HAUS7: variants seen among roughly 807,000 people sequenced by gnomAD.
HAUS7 encodes HAUS augmin-like complex subunit 7.
HAUS7 carries 3 observed loss-of-function variants against 28.4 expected under a neutral mutation model. That is an observed-to-expected ratio of 0.11 (90% CI 0.05 to 0.27). The LOEUF (loss-of-function observed/expected upper bound fraction) is 0.27, where lower values mean the gene tolerates loss of function less well. Ranked by LOEUF, HAUS7 falls within the 10% of genes least tolerant of loss-of-function variation. HAUS7 has a pLI of 1.00. For missense variants in HAUS7, 284 were observed against 297.3 expected (o/e 0.96, Z 0.33); for synonymous variants, 165 against 132.1 (o/e 1.25, Z -1.71).
At chrX:153,495,027 G>C (rs1000912767) in intron 1 of HAUS7, 1 of 108,975 alleles carries the variant, frequency 9.2e-6, no homozygotes, top group Non-Finnish European at 1.9e-5. Flanking sequence ...TCGGTCCGCC[G>C]GACACACCGG....
chrX:153,459,203 G>A (rs1220929632), intron 4 of HAUS7, among the ~76,000 whole-genome samples: 4 of 112,048 alleles, frequency 3.6e-5, no homozygotes, highest in African/African-American at 9.7e-5. Flanking sequence ...TCGGAGAAAC[G>A]TCTATTCGGA....
intron 1 of HAUS7, chrX:153,480,749 G>A (rs2089594644): frequency 2.7e-6 from 2 of 753,878 alleles, no homozygotes; most frequent in African/African-American, 4.6e-5. Flanking sequence ...CCCTGAGGAA[G>A]GAGTCACCCC....
intron 1 of HAUS7, chrX:153,481,589 T>A (rs1237066849): frequency 8.0e-6 from 6 of 754,539 alleles, no homozygotes; most frequent in Non-Finnish European, 1.6e-6. Context: ...TGTGGCAATG[T>A]CAAGATGAAG....
At position 153,465,169 on chromosome X, in the gene HAUS7, G is replaced by A. The variant is rs1556984095; in HGVS notation, c.225-114C>T. ...GTGCACGTGCTCAACGGCACGGAGC[G>A]GCTCACTTTAAAGTGGTTACTTCTG... On this transcript the variant is annotated intron_variant, in intron 2 of 9. Coordinates refer to ENST00000370211, the MANE Select transcript of HAUS7 (RefSeq NM_001385482.1). 8 of 481,433 alleles carry A rather than the reference G, an allele frequency of 1.7e-5. No homozygotes were observed. In the East Asian group the frequency reaches 2.1e-4, roughly 13 times the overall value. 39.7% of individuals were successfully genotyped at this position (481,433 alleles called of 1,213,427 possible).
chrX:153,459,335 G>A (rs1239042906), intron 4 of HAUS7, among the ~76,000 whole-genome samples: 5 of 112,461 alleles, frequency 4.4e-5, no homozygotes, highest in Non-Finnish European at 9.4e-5. Context: ...CCGCCTTTCT[G>A]TAGGTTTTTC....
chrX:153,486,718 C>G, intron 1 of HAUS7: 1 of 982,957 alleles, frequency 1.0e-6, no homozygotes, highest in East Asian at 7.5e-5. Context: ...CCTCATTGAC[C>G]GGCGCCGCAT....
At chrX:153,492,383 C>T (rs1450247951) in intron 1 of HAUS7, among the ~76,000 whole-genome samples, 2 of 110,826 alleles carry the variant, frequency 1.8e-5, no homozygotes, top group African/African-American at 6.6e-5. Context: ...TGGGAGTGGC[C>T]CCCAAATTAG....
At chrX:153,459,636 G>A (rs1221919751) in intron 4 of HAUS7, among the ~76,000 whole-genome samples, 5 of 111,703 alleles carry the variant, frequency 4.5e-5, no homozygotes, top group African/African-American at 1.6e-4. Flanking sequence ...CTGTGTTTCC[G>A]CCTGCATTAC....
chrX:153,494,734 G>A (rs1232859202), intron 1 of HAUS7, among the ~76,000 whole-genome samples: 3 of 95,615 alleles, frequency 3.1e-5, no homozygotes, highest in Admixed American at 2.2e-4. Context: ...TGCCCCAGGC[G>A]GGGGAGGGGG....
chrX:153,494,741 G>T (rs1337086373), intron 1 of HAUS7, among the ~76,000 whole-genome samples: 23 of 66,109 alleles, frequency 3.5e-4, no homozygotes, highest in Non-Finnish European at 9.3e-4. Flanking sequence ...GGCGGGGGAG[G>T]GGGGGGGAGG....
intron 1 of HAUS7, among the ~76,000 whole-genome samples, chrX:153,486,446 T>G (rs2089638247): frequency 9.0e-6 from 1 of 111,055 alleles, no homozygotes; most frequent in Admixed American, 9.4e-5. Context: ...GAGCCTCGAG[T>G]TGGGAGGGGG....
chrX:153,458,442 C>T (rs1265070659), intron 4 of HAUS7, among the ~76,000 whole-genome samples: 6 of 113,079 alleles, frequency 5.3e-5, no homozygotes, highest in African/African-American at 9.6e-5. Context: ...CGTGTCCCAG[C>T]GCAGATGAGT....
intron 9 of HAUS7, among the ~76,000 whole-genome samples, chrX:153,449,857 TTCTC>T (rs782269513): frequency 3.6e-5 from 4 of 112,566 alleles, no homozygotes; most frequent in African/African-American, 1.3e-4. Flanking sequence ...GTGCTGGTTT[TTCTC>T]TCTGTTTTCT....
At chrX:153,461,248 GA>G in intron 4 of HAUS7, among the ~76,000 whole-genome samples, 1 of 112,344 alleles carries the variant, frequency 8.9e-6, no homozygotes, top group East Asian at 2.8e-4. Context: ...AAAATGTCGA[GA>G]GAACTACTTG....
intron 1 of HAUS7, chrX:153,480,617 C>G: frequency 1.3e-6 from 1 of 755,053 alleles, no homozygotes; most frequent in African/African-American, 2.3e-5. Flanking sequence ...GCCACCCAGA[C>G]AAGCCTGAGG....
At chrX:153,466,577 G>C (rs1556984308) in intron 2 of HAUS7, among the ~76,000 whole-genome samples, 1 of 112,079 alleles carries the variant, frequency 8.9e-6, no homozygotes, top group African/African-American at 3.2e-5. Flanking sequence ...GGGGCTGACA[G>C]GGTGCGGTCA....
intron 9 of HAUS7, among the ~76,000 whole-genome samples, chrX:153,450,007 C>T (rs781977668): frequency 7.0e-4 from 79 of 112,339 alleles, no homozygotes; most frequent in African/African-American, 2.5e-3. Context: ...AGATTTCCTG[C>T]TCATCCAGGG....
chrX:153,472,058 G>T (rs1282996030), upstream of HAUS7, among the ~76,000 whole-genome samples: 4 of 111,430 alleles, frequency 3.6e-5, no homozygotes, highest in Non-Finnish European at 7.5e-5. Context: ...TTTTTCTGTG[G>T]ATCTTTCCTA....
intron 2 of HAUS7, among the ~76,000 whole-genome samples, chrX:153,467,305 G>A (rs782495140): frequency 1.8e-5 from 2 of 111,891 alleles, no homozygotes; most frequent in South Asian, 7.5e-4. Context: ...CTCCCTGCCT[G>A]CAGCCATTGC....
Sources: gnomAD v4.1 joint callset for allele counts (sites outside exome capture counted in the v4.1 genomes callset) on GRCh38, gnomAD v4.1.1 for gene constraint, MANE v1.5 for transcripts, NCBI Gene and HGNC (gene_info 2026-07-23, HGNC 2026-07-21) for gene names.